PC: variants seen among roughly 807,000 people sequenced by gnomAD.
The protein encoded by PC is pyruvate carboxylase, also known as pyruvate carboxylase, mitochondrial.
PC carries 46 observed loss-of-function variants against 107.8 expected under a neutral mutation model. The ratio of observed to expected loss-of-function variants is 0.43; its 90% confidence interval spans 0.34 to 0.55. PC has a LOEUF of 0.55. Ranked by LOEUF, PC falls within the 20% of genes least tolerant of loss-of-function variation. PC has a pLI of 0.04. For missense variants in PC, 1,241 were observed against 1,643.1 expected, an observed-to-expected ratio of 0.76 and a Z score of 4.23; for synonymous variants, 662 against 684.7, an observed-to-expected ratio of 0.97 and a Z score of 0.52.
intron 3 of PC, among the ~76,000 whole-genome samples, chr11:66,927,494 G>C (rs987087863): frequency 6.6e-6 from 1 of 151,850 alleles, no homozygotes; most frequent in African/African-American, 2.4e-5. Flanking sequence ...GGCTGAGGTG[G>C]GTGGATTGCC....
rs778555357 is a variant in PC at position 66,871,367 on chromosome 11, C to T, written c.435G>A (p.Val145=). 3.1e-6 allele frequency: 5 copies of T among 1,613,878 alleles called. No individual in the cohort carries two copies. The highest frequency in any genetic ancestry group is 3.4e-6 in the Non-Finnish European group (4 of 1,180,038). The change falls in exon 6 of 23, where the codon GTG becomes GTA. Residue 145 remains valine, a synonymous_variant. Coordinates refer to ENST00000393960, the MANE Select transcript of PC (RefSeq NM_001040716.2). This position sits in a 1 kb window ranked among gnomAD's most constrained non-coding sequence, Gnocchi z 7.4. ...GVRFIGPSPE[V]VRKMGDKVEA... is the part of the protein sequence containing the mutation. ...CCACCTTGTCTCCCATCTTGCGGAC[C>T]ACTTCTGGGCTTGGCCCAATAAACC...
chr11:66,921,205 C>T (rs892529096), intron 3 of PC, among the ~76,000 whole-genome samples: 2 of 152,152 alleles, frequency 1.3e-5, no homozygotes, highest in African/African-American at 2.4e-5. Context: ...AGCGTGGAAA[C>T]GACCCCGCTA....
chr11:66,942,769 T>C (rs1373646526), intron 3 of PC, among the ~76,000 whole-genome samples: 6 of 152,058 alleles, frequency 3.9e-5, no homozygotes, highest in Non-Finnish European at 7.4e-5. Flanking sequence ...TCCCAGCACT[T>C]TGGGAGGCCG....
At position 66,858,855 on chromosome 11, in the gene PC, T is replaced by A; in HGVS notation, c.1368+4919A>T. ...CCGAGTAGAACTGCGGGTGCTGGCC[T>A]TGCCCCATGGTGGGAACAGCAGTGC... On this transcript the variant is annotated intron_variant, in intron 12 of 22. Coordinates refer to ENST00000393960, the MANE Select transcript of PC (RefSeq NM_001040716.2). The surrounding 1 kb of genome is among the most constrained non-coding windows in gnomAD (Gnocchi z 5.9). The A allele has an allele frequency of 6.4e-7, 1 of 1,553,994 alleles. No individual in the cohort carries two copies. Among genetic ancestry groups the A allele is most frequent in the Non-Finnish European group, 8.7e-7 (1 of 1,149,800 alleles).
intron 12 of PC, chr11:66,859,618 CACCTGCCCTT>C (rs1946114772): frequency 6.2e-7 from 1 of 1,612,388 alleles, no homozygotes; most frequent in African/African-American, 1.3e-5. Flanking sequence ...GGGCTCTGAC[CACCTGCCCTT>C]GCCTGCAGGA....
At position 66,858,485 on chromosome 11, in the gene PC, G is replaced by A; in HGVS notation, c.1369-5102C>T. The stretch of plus-strand genomic sequence containing the variant: ...ACTGTGAGCTGCTGTGGCTGCGGCG[G>A]CTGGCGCGGCCGGACGACCTGGAAA... On this transcript the variant is annotated intron_variant, in intron 12 of 22. Coordinates refer to ENST00000393960, the MANE Select transcript of PC (RefSeq NM_001040716.2). The surrounding 1 kb of genome is among the most constrained non-coding windows in gnomAD (Gnocchi z 5.9). The A allele has an allele frequency of 6.5e-7, 1 of 1,540,598 alleles. No homozygotes were observed. Among genetic ancestry groups the A allele is most frequent in the East Asian group, 2.4e-5 (1 of 41,176 alleles).
intron 3 of PC, 45 bp from the exon 4 acceptor site, chr11:66,872,204 G>A (rs1458298502): frequency 3.2e-6 from 5 of 1,557,448 alleles, no homozygotes; most frequent in African/African-American, 1.4e-5. Context: ...CCTCAGCACT[G>A]AGGCTCCTCA....
chr11:66,875,357 C>T (rs11227613), intron 3 of PC, among the ~76,000 whole-genome samples: 1 of 152,048 alleles, frequency 6.6e-6, no homozygotes, highest in Non-Finnish European at 1.5e-5. Flanking sequence ...GTGGAGATGA[C>T]TTTTCCTGCT....
intron 3 of PC, among the ~76,000 whole-genome samples, chr11:66,877,149 G>C (rs930133948): frequency 1.3e-5 from 2 of 152,224 alleles, no homozygotes; most frequent in Non-Finnish European, 2.9e-5. Flanking sequence ...ACTTTGGGAC[G>C]CTGAGACAGG....
At chr11:66,902,744 A>G (rs980216022) in intron 3 of PC, among the ~76,000 whole-genome samples, 3 of 152,110 alleles carry the variant, frequency 2.0e-5, no homozygotes, top group Non-Finnish European at 4.4e-5. Context: ...CATCACAGTC[A>G]CACCTGTGTG....
intron 3 of PC, among the ~76,000 whole-genome samples, chr11:66,921,624 G>A (rs1004430057): frequency 6.6e-6 from 1 of 152,054 alleles, no homozygotes; most frequent in Non-Finnish European, 1.5e-5. Flanking sequence ...TGGGAGACAG[G>A]AGCCTAGATC....
intron 21 of PC, 47 bp from the exon 22 acceptor site, chr11:66,849,417 A>G: frequency 6.2e-7 from 1 of 1,610,092 alleles, no homozygotes; most frequent in Non-Finnish European, 8.5e-7. Flanking sequence ...AAGGTGGGAG[A>G]GCAGTCCCCC....
chr11:66,941,078 TA>T (rs56790474), intron 3 of PC, among the ~76,000 whole-genome samples: 5,629 of 83,740 alleles, frequency 0.067, 123 homozygotes, highest in African/African-American at 0.092. Flanking sequence ...AGACTCCATC[TA>T]AAAAAAAAAA....
At chr11:66,958,211 C>T (rs1289332505) in intron 1 of PC, 111 bp downstream of exon 1, 1 of 152,106 alleles carries the variant, frequency 6.6e-6, no homozygotes, top group Non-Finnish European at 1.5e-5. Context: ...CCCGCGCCGC[C>T]TTTGCGCGCG....
chr11:66,855,401 G>A (rs1006649841), intron 12 of PC, among the ~76,000 whole-genome samples: 1 of 152,306 alleles, frequency 6.6e-6, no homozygotes, highest in East Asian at 1.9e-4. Context: ...TGCAACCTGT[G>A]GCTCCCTGGT....
At chr11:66,864,512 CTCA>C (rs1946411061) in intron 11 of PC, among the ~76,000 whole-genome samples, 1 of 152,250 alleles carries the variant, frequency 6.6e-6, no homozygotes, top group Admixed American at 6.5e-5. Flanking sequence ...TGGGGAAGGC[CTCA>C]ACATCCACCC....
In PC at chr11:66,852,974, C is replaced by A; in HGVS notation, c.1514-138G>T. 1.3e-6 allele frequency: 1 copy of A among 755,104 alleles called. No homozygotes were observed. The highest frequency in any genetic ancestry group is 2.1e-6 in the Non-Finnish European group (1 of 473,662). The allele number at this position is 755,104 out of a possible 1,614,324, so 46.8% of individuals were successfully genotyped here. On this transcript the variant is annotated intron_variant, in intron 13 of 22. Transcript: ENST00000393960. The surrounding 1 kb of genome is among the most constrained non-coding windows in gnomAD (Gnocchi z 4.7). ...GCTTCCAGCTGGCCCCTGTCCTCTC[C>A]AAAGCCAGGGCCTCCTGGGTACAGG...
At chr11:66,865,637 C>G (rs1363253975) in intron 11 of PC, among the ~76,000 whole-genome samples, 1 of 152,168 alleles carries the variant, frequency 6.6e-6, no homozygotes, top group Admixed American at 6.5e-5. Flanking sequence ...CTACACCACT[C>G]TCTCCCCCAC....
At chr11:66,854,922 G>A (rs1468369611) in intron 12 of PC, among the ~76,000 whole-genome samples, 1 of 152,228 alleles carries the variant, frequency 6.6e-6, no homozygotes, top group Non-Finnish European at 1.5e-5. Flanking sequence ...CTGGAGAAGG[G>A]AGGCAGCTAA....
Sources: gnomAD v4.1 joint callset for allele counts (sites outside exome capture counted in the v4.1 genomes callset) on GRCh38, gnomAD v4.1.1 for gene constraint, Gnocchi (gnomAD v3.1) non-coding constraint, MANE v1.5 for transcripts, NCBI Gene and HGNC (gene_info 2026-07-23, HGNC 2026-07-21) for gene names.